Variants in OLFM2 observed in about 807,000 individuals in gnomAD.
The protein encoded by OLFM2 is olfactomedin 2.
A neutral mutation model predicts 43.9 loss-of-function variants in OLFM2; 20 were observed. The ratio of observed to expected loss-of-function variants is 0.46; its 90% CI spans 0.32 to 0.66. The LOEUF is 0.66. Among genes scored for constraint, OLFM2 ranks in the 30% least tolerant of loss-of-function variants. The pLI is 0.04. For missense variants in OLFM2, 416 were observed against 643.6 expected (o/e 0.65, Z 3.83); for synonymous variants, 268 against 278.6 (o/e 0.96, Z 0.38).
At chr19:9,860,451 A>G (rs1048056360) in intron 2 of OLFM2, among the ~76,000 whole-genome samples, 194 bp downstream of exon 2, 4 of 150,230 alleles carry the variant, frequency 2.7e-5, no homozygotes, top group African/African-American at 9.8e-5. Flanking sequence ...CAGCCTGGGT[A>G]ACAGAGTGAG....
intron 1 of OLFM2, among the ~76,000 whole-genome samples, chr19:9,905,604 G>A (rs191353478): frequency 1.9e-3 from 280 of 147,488 alleles, no homozygotes; most frequent in African/African-American, 6.7e-3. Context: ...CAGCATGGGC[G>A]ACAGAATGAG....
intron 1 of OLFM2, chr19:9,913,365 G>A (rs1463261903): frequency 7.8e-6 from 4 of 515,564 alleles, no homozygotes; most frequent in Non-Finnish European, 5.2e-6. Context: ...GGGCAGGGTC[G>A]TGGGAAGCAC....
chr19:9,873,211 C>T (rs759156378), intron 1 of OLFM2, among the ~76,000 whole-genome samples: 3 of 151,996 alleles, frequency 2.0e-5, no homozygotes, highest in Non-Finnish European at 4.4e-5. Flanking sequence ...GGTGTAATCA[C>T]GGCGCGATCA....
chr19:9,855,816 G>A (rs1425547669), intron 5 of OLFM2, among the ~76,000 whole-genome samples: 2 of 151,304 alleles, frequency 1.3e-5, no homozygotes, highest in African/African-American at 4.9e-5. Context: ...GATTACAGGC[G>A]TGAGCCACTG....
intron 1 of OLFM2, 107 bp downstream of exon 1, chr19:9,936,197 G>T: frequency 7.9e-7 from 1 of 1,259,636 alleles, no homozygotes; most frequent in Non-Finnish European, 1.1e-6. Flanking sequence ...CCGCCCTGCA[G>T]CTGGGGGGGC....
At chr19:9,904,261 GC>G (rs2046766567) in intron 1 of OLFM2, among the ~76,000 whole-genome samples, 1 of 150,538 alleles carries the variant, frequency 6.6e-6, no homozygotes, top group Non-Finnish European at 1.5e-5. Flanking sequence ...CAGGATCTCG[GC>G]TCTATGCAAC....
chr19:9,889,630 C>T (rs8113425), intron 1 of OLFM2, among the ~76,000 whole-genome samples: 62,609 of 152,070 alleles, frequency 0.41, 13,340 homozygotes, highest in African/African-American at 0.49. Context: ...TTCAGGCTCA[C>T]TTTGCATCGG....
At position 9,925,564 on chromosome 19, in the gene OLFM2, T is replaced by G. The variant is rs534222888; in HGVS notation, c.63+10740A>C. Among the ~76,000 whole-genome samples, 8 of 151,784 alleles carry G rather than the reference T, an allele frequency of 5.3e-5. No homozygotes were observed. In the South Asian group the frequency reaches 1.7e-3, roughly 32 times the overall value. ...CCTGGGCTCAAGTAATCCTCCCACC[T>G]CAGCCTCCCAAGTAGCTGGGACCAC... On this transcript the variant is annotated intron_variant, in intron 1 of 5. Coordinates refer to ENST00000264833, the MANE Select transcript of OLFM2 (RefSeq NM_058164.4).
At position 9,854,444 on chromosome 19, in the gene OLFM2, G is replaced by T; in HGVS notation, c.1107C>A (p.Ser369Arg). 6.2e-7 allele frequency: 1 copy of T among 1,614,158 alleles called. No individual in the cohort carries two copies. The highest frequency in any genetic ancestry group is 8.5e-7 in the Non-Finnish European group (1 of 1,180,052). Residue 369 changes from serine to arginine, a missense_variant, in exon 6 of 6, where the codon AGC (serine) becomes AGA (arginine). Ser to Arg is a moderately radical substitution (Grantham distance 110). Transcript: ENST00000264833. The surrounding 1 kb of genome is among the most constrained non-coding windows in gnomAD (Gnocchi z 9.5). ...RSWDTGYPKR[S>R]AGEAFMICGV... The stretch of plus-strand genomic sequence containing the variant: ...CGCAGATCATGAAGGCCTCGCCAGC[G>T]CTGCGCTTGGGGTAGCCGGTGTCCC...
chr19:9,863,078 G>T (rs908944399), intron 1 of OLFM2, among the ~76,000 whole-genome samples: 21 of 152,000 alleles, frequency 1.4e-4, no homozygotes, highest in African/African-American at 4.8e-4. Flanking sequence ...TTCAAAACCT[G>T]AAGTCTTTGT....
At chr19:9,921,152 C>A (rs1305260389) in intron 1 of OLFM2, among the ~76,000 whole-genome samples, 1 of 152,008 alleles carries the variant, frequency 6.6e-6, no homozygotes, top group Non-Finnish European at 1.5e-5. Context: ...TTTTGCCTAC[C>A]GTCACCCAGG....
intron 1 of OLFM2, among the ~76,000 whole-genome samples, chr19:9,895,486 C>G (rs919918150): frequency 7.0e-6 from 1 of 142,846 alleles, no homozygotes; most frequent in Non-Finnish European, 1.6e-5. Context: ...CAGAGTGAGA[C>G]CCTGTCTCAA....
intron 1 of OLFM2, among the ~76,000 whole-genome samples, chr19:9,909,185 A>G (rs536689613): frequency 6.6e-6 from 1 of 152,256 alleles, no homozygotes; most frequent in East Asian, 1.9e-4. Context: ...TATTCGTCCC[A>G]TAAAGCAAAA....
chr19:9,910,214 T>G (rs2046816923), intron 1 of OLFM2, among the ~76,000 whole-genome samples: 1 of 152,008 alleles, frequency 6.6e-6, no homozygotes, highest in South Asian at 2.1e-4. Context: ...AAAATAATAA[T>G]ATTAATAATA....
intron 1 of OLFM2, among the ~76,000 whole-genome samples, chr19:9,907,317 G>C (rs1447653221): frequency 6.6e-6 from 1 of 152,006 alleles, no homozygotes; most frequent in South Asian, 2.1e-4. Context: ...TAGCTAGGCA[G>C]GGTGGCGCAC....
chr19:9,855,386 G>A (rs143384846), intron 5 of OLFM2, among the ~76,000 whole-genome samples: 4,430 of 151,354 alleles, frequency 0.029, 200 homozygotes, highest in African/African-American at 0.1. Flanking sequence ...GATTACAGGC[G>A]CATCCCACCA....
intron 2 of OLFM2, among the ~76,000 whole-genome samples, chr19:9,858,968 C>T (rs548348099): frequency 1.3e-5 from 2 of 152,112 alleles, no homozygotes; most frequent in East Asian, 1.9e-4. Flanking sequence ...TAGACCCTCA[C>T]CTGGCTAAGG....
chr19:9,854,704 A>G lies in OLFM2; in HGVS notation c.847T>C (p.Tyr283His). The stretch of plus-strand genomic sequence containing the variant: ...TATTTGACCACCACGTTGCTCTGGT[A>G]CTTGTTATAGAACAGGGAGCCGTTG... ...VYNGSLFYNK[Y>H]QSNVVVKYHF... is the part of the protein sequence containing the mutation. Residue 283 changes from tyrosine to histidine, a missense_variant, in exon 6 of 6, where the codon TAC becomes CAC. Transcript: ENST00000264833. This position sits in a 1 kb window ranked among gnomAD's most constrained non-coding sequence, Gnocchi z 9.5. 1 of 1,614,230 alleles carries G rather than the reference A, an allele frequency of 6.2e-7. No individual in the cohort carries two copies. Among genetic ancestry groups the G allele is most frequent in the Non-Finnish European group, 8.5e-7 (1 of 1,180,036 alleles).
intron 1 of OLFM2, among the ~76,000 whole-genome samples, chr19:9,911,690 C>G (rs1219528692): frequency 6.6e-6 from 1 of 152,126 alleles, no homozygotes; most frequent in East Asian, 1.9e-4. Flanking sequence ...AAAATCATAA[C>G]TCATAGACAT....
Sources: allele counts gnomAD v4.1 joint callset (sites outside exome capture counted in the v4.1 genomes callset), GRCh38; gene constraint gnomAD v4.1.1; non-coding constraint Gnocchi (gnomAD v3.1); transcripts MANE v1.5; gene names NCBI Gene and HGNC (gene_info 2026-07-23, HGNC 2026-07-21).